Variants in KCNG3 observed in about 807,000 individuals in gnomAD.
The protein encoded by KCNG3 is voltage-gated potassium channel regulatory subunit KCNG3.
Under a neutral mutation model 29.0 loss-of-function variants are expected in KCNG3, and 15 were observed. The ratio of observed to expected loss-of-function variants is 0.52; its 90% CI spans 0.35 to 0.80. The LOEUF is 0.80. KCNG3 is among the 30% of genes least tolerant of loss of function. The pLI is 0.01. For synonymous variants in KCNG3, 322 were observed against 248.9 expected (o/e 1.29, Z -2.76); for missense variants, 512 against 605.7 (o/e 0.85, Z 1.62).
chr2:42,391,294 A>G, the KCNG3 span, among the ~76,000 whole-genome samples: 1 of 152,166 alleles, frequency 6.6e-6, no homozygotes. Flanking sequence ...CCAGAAGACA[A>G]GCCCCTAATG....
chr2:42,419,219 CTTTTTTTTTTTTTTTTTTTTTTTTTTT>C, the KCNG3 span, among the ~76,000 whole-genome samples: 13 of 27,712 alleles, frequency 4.7e-4, no homozygotes, highest in African/African-American at 1.6e-3. Flanking sequence ...GATGGTATCT[CTTTTTTTTTTTTTTTTTTTTTTTTTTT>C]TTTTTTTGAG....
the KCNG3 span, among the ~76,000 whole-genome samples, chr2:42,391,263 A>T: frequency 1.6e-3 from 237 of 152,286 alleles, no homozygotes; most frequent in African/African-American, 5.1e-3. Context: ...GGAGCGCTCC[A>T]CATTGTCCTC....
intron 1 of KCNG3, among the ~76,000 whole-genome samples, chr2:42,458,836 T>C (rs1672943804): frequency 6.6e-6 from 1 of 151,518 alleles, no homozygotes; most frequent in Non-Finnish European, 1.5e-5. Context: ...GAAACAGTTT[T>C]GATATTATGT....
chr2:42,474,108 C>T (rs976861381), intron 1 of KCNG3, among the ~76,000 whole-genome samples: 4 of 151,528 alleles, frequency 2.6e-5, no homozygotes, highest in African/African-American at 9.7e-5. Context: ...GCCGAGATCA[C>T]CCCTTGCTGA....
the KCNG3 span, among the ~76,000 whole-genome samples, chr2:42,414,683 T>A: frequency 1.3e-5 from 2 of 152,180 alleles, no homozygotes; most frequent in Non-Finnish European, 2.9e-5. Flanking sequence ...TTCACTCTAT[T>A]ATTTCCTTCT....
chr2:42,467,236 C>G (rs1488658750), intron 1 of KCNG3, among the ~76,000 whole-genome samples: 1 of 152,144 alleles, frequency 6.6e-6, no homozygotes, highest in African/African-American at 2.4e-5. Context: ...TACACTTTGA[C>G]ATCTATTCAC....
the KCNG3 span, among the ~76,000 whole-genome samples, chr2:42,416,669 T>C: frequency 6.6e-6 from 1 of 151,364 alleles, no homozygotes; most frequent in African/African-American, 2.4e-5. Flanking sequence ...TACAAAAAAA[T>C]TAGCTGGGTG....
At chr2:42,434,687 A>AG in the KCNG3 span, among the ~76,000 whole-genome samples, 1 of 148,574 alleles carries the variant, frequency 6.7e-6, no homozygotes, top group African/African-American at 2.5e-5. Flanking sequence ...AAAAAAAAAA[A>AG]AAAAAGGTAA....
chr2:42,402,111 AAACTG>A, the KCNG3 span, among the ~76,000 whole-genome samples: 7 of 152,288 alleles, frequency 4.6e-5, no homozygotes, highest in South Asian at 1.5e-3. Context: ...ATCTGCTGAG[AAACTG>A]AATAGAACAC....
intron 1 of KCNG3, chr2:42,463,166 C>T (rs1430104995): frequency 5.8e-6 from 2 of 345,152 alleles, no homozygotes; most frequent in East Asian, 8.3e-5. Flanking sequence ...CTAGACCAAG[C>T]TCATGGCCAC....
At chr2:42,419,020 A>C in the KCNG3 span, among the ~76,000 whole-genome samples, 1 of 152,042 alleles carries the variant, frequency 6.6e-6, no homozygotes, top group African/African-American at 2.4e-5. Flanking sequence ...CTGAGTCTAA[A>C]TATGATTAAG....
At chr2:42,456,394 T>C (rs987443491) in intron 1 of KCNG3, among the ~76,000 whole-genome samples, 3 of 152,066 alleles carry the variant, frequency 2.0e-5, no homozygotes, top group South Asian at 4.1e-4. Flanking sequence ...CCAGGCATGA[T>C]GGTGCATGCC....
the KCNG3 span, among the ~76,000 whole-genome samples, chr2:42,427,901 T>G: frequency 6.6e-6 from 1 of 152,182 alleles, no homozygotes; most frequent in African/African-American, 2.4e-5. Flanking sequence ...ATCTAAGTCA[T>G]AGGTCATTTG....
At chr2:42,409,651 C>T in the KCNG3 span, among the ~76,000 whole-genome samples, 6 of 137,844 alleles carry the variant, frequency 4.4e-5, no homozygotes, top group Non-Finnish European at 7.6e-5. Flanking sequence ...TTGCAGTGAG[C>T]CATGATTGTG....
chr2:42,474,573 TTA>T (rs1217058914), intron 1 of KCNG3, among the ~76,000 whole-genome samples: 1 of 152,120 alleles, frequency 6.6e-6, no homozygotes, highest in Non-Finnish European at 1.5e-5. Flanking sequence ...AATCTAAATA[TTA>T]TGTTTTGATA....
chr2:42,488,139 AG>A (rs1420358960), intron 1 of KCNG3, among the ~76,000 whole-genome samples: 1 of 152,222 alleles, frequency 6.6e-6, no homozygotes, highest in Non-Finnish European at 1.5e-5. Flanking sequence ...TTAGTTTTGT[AG>A]CTTTTAGATT....
At chr2:42,402,949 CA>C in the KCNG3 span, among the ~76,000 whole-genome samples, 1 of 152,222 alleles carries the variant, frequency 6.6e-6, no homozygotes, top group Non-Finnish European at 1.5e-5. Context: ...GTTAGGATCA[CA>C]TTGAATTTAT....
the KCNG3 span, among the ~76,000 whole-genome samples, chr2:42,433,508 G>T: frequency 6.6e-6 from 1 of 152,168 alleles, no homozygotes; most frequent in Non-Finnish European, 1.5e-5. Flanking sequence ...GGAGGCTGAG[G>T]GGGGCATATC....
chr2:42,482,838 A>G (rs1364367763), intron 1 of KCNG3, among the ~76,000 whole-genome samples: 1 of 152,172 alleles, frequency 6.6e-6, no homozygotes, highest in Non-Finnish European at 1.5e-5. Flanking sequence ...AAGCTATTCT[A>G]GGCCAGGCAC....
Sources: allele counts gnomAD v4.1 joint callset (sites outside exome capture counted in the v4.1 genomes callset), GRCh38; gene constraint gnomAD v4.1.1; transcripts MANE v1.5; gene names NCBI Gene and HGNC (gene_info 2026-07-23, HGNC 2026-07-21).